The following SH3GL2 variants were observed in gnomAD, a reference collection of about 807,000 sequenced individuals.
SH3GL2 encodes endophilin-A1.
In SH3GL2, 24 loss-of-function variants were observed where a neutral mutation model predicts 46.0. That is an observed-to-expected ratio of 0.52 (90% CI 0.38 to 0.73). The LOEUF is 0.73. Ranked by LOEUF, SH3GL2 falls within the 30% of genes least tolerant of loss-of-function variation. SH3GL2 has a pLI of 0.00. For synonymous variants in SH3GL2, 196 were observed against 147.1 expected (o/e 1.33, Z -2.40); for missense variants, 413 against 424.2 (o/e 0.97, Z 0.23).
intron 1 of SH3GL2, among the ~76,000 whole-genome samples, chr9:17,584,163 A>G (rs965231086): frequency 6.6e-6 from 1 of 152,156 alleles, no homozygotes; most frequent in Non-Finnish European, 1.5e-5. Flanking sequence ...CTGTTACCAG[A>G]TTCTTAAATA....
chr9:17,758,375 A>G (rs1268866392), intron 2 of SH3GL2, among the ~76,000 whole-genome samples: 1 of 151,782 alleles, frequency 6.6e-6, no homozygotes, highest in Non-Finnish European at 1.5e-5. Flanking sequence ...AGCCTGACCA[A>G]CATGGCAAAA....
At chr9:17,730,240 A>C (rs1189707321) in intron 1 of SH3GL2, among the ~76,000 whole-genome samples, 3 of 151,902 alleles carry the variant, frequency 2.0e-5, no homozygotes, top group Admixed American at 6.6e-5. Flanking sequence ...ATGGGAGTTT[A>C]CTCATGATTG....
chr9:17,636,035 C>G (rs1292875583), intron 1 of SH3GL2, among the ~76,000 whole-genome samples: 2 of 152,104 alleles, frequency 1.3e-5, no homozygotes, highest in African/African-American at 4.8e-5. Flanking sequence ...TTTCTAGGCA[C>G]AAAGTTTGAT....
chr9:17,678,764 G>T (rs1820684465), intron 1 of SH3GL2, among the ~76,000 whole-genome samples: 1 of 152,098 alleles, frequency 6.6e-6, no homozygotes, highest in Admixed American at 6.6e-5. Context: ...TATGGTTTTA[G>T]GTCTAACATT....
At chr9:17,793,604 G>C (rs575935054) in intron 8 of SH3GL2, 107 bp downstream of exon 8, 3 of 1,041,668 alleles carry the variant, frequency 2.9e-6, no homozygotes, top group Non-Finnish European at 4.3e-6. Flanking sequence ...GAAATATGCA[G>C]TAATACATTT....
At position 17,761,558 on chromosome 9, in the gene SH3GL2, G is replaced by C. The variant is rs539006179; in HGVS notation, c.187+49G>C. 8.2e-6 allele frequency: 9 copies of C among 1,098,552 alleles called. No homozygotes were observed. In the South Asian group the frequency reaches 1.1e-4, roughly 14 times the overall value. 68.1% of individuals were successfully genotyped at this position (1,098,552 alleles called of 1,614,324 possible). ...AAAGGATCCCTCGAGGTAACTTTTA[G>C]TTTCTCTTTGATAGACATTTTAAGT... On this transcript the variant is annotated intron_variant, in intron 3 of 8. Coordinates refer to ENST00000380607, the MANE Select transcript of SH3GL2 (RefSeq NM_003026.5).
chr9:17,586,178 T>C (rs1372707677), intron 1 of SH3GL2, among the ~76,000 whole-genome samples: 1 of 152,194 alleles, frequency 6.6e-6, no homozygotes, highest in African/African-American at 2.4e-5. Flanking sequence ...GTACAACTTC[T>C]AAATGCCAAA....
intron 1 of SH3GL2, among the ~76,000 whole-genome samples, chr9:17,697,310 G>A (rs1821227771): frequency 2.6e-5 from 4 of 151,206 alleles, no homozygotes; most frequent in South Asian, 2.1e-4. Context: ...TGCAAACTCC[G>A]CCTCCCGGGT....
At chr9:17,625,458 A>G (rs1344089056) in intron 1 of SH3GL2, among the ~76,000 whole-genome samples, 1 of 152,150 alleles carries the variant, frequency 6.6e-6, no homozygotes, top group Non-Finnish European at 1.5e-5. Flanking sequence ...ACCAGTATGG[A>G]GCTATTTAAA....
At position 17,645,048 on chromosome 9, in the gene SH3GL2, C is replaced by A. The variant is rs527831413; in HGVS notation, c.45+65761C>A. Among the ~76,000 whole-genome samples, 5 of 151,502 alleles carry A rather than the reference C, an allele frequency of 3.3e-5. No individual in the cohort carries two copies. The South Asian group carries it at 1.0e-3, about 32-fold the overall frequency. On this transcript the variant is annotated intron_variant, in intron 1 of 8. Transcript: ENST00000380607. ...TATATTTAGGATAGTTAGCTCTTCTCATTGCATTGATTCCTTTACCATTAT... is the reference window on the plus strand; with the variant it reads ...TATATTTAGGATAGTTAGCTCTTCTAATTGCATTGATTCCTTTACCATTAT...
rs1820773444 is a variant in SH3GL2, at chr9:17,681,742, A to G, written c.46-65324A>G. Among the ~76,000 whole-genome samples the G allele has an allele frequency of 2.0e-5, 3 of 152,198 alleles. No homozygotes were observed. The South Asian group carries it at 6.2e-4, about 32-fold the overall frequency. On this transcript the variant is annotated intron_variant, in intron 1 of 8. Transcript: ENST00000380607. ...AACTAAAGAGCTCTTGCACAGCAAAAGAAACTACAGTCAGAGTGAATAGGC... is the reference window on the plus strand; with the variant it reads ...AACTAAAGAGCTCTTGCACAGCAAAGGAAACTACAGTCAGAGTGAATAGGC...
chr9:17,688,818 A>G (rs2118110411), intron 1 of SH3GL2, among the ~76,000 whole-genome samples: 1 of 152,194 alleles, frequency 6.6e-6, no homozygotes, highest in Admixed American at 6.6e-5. Flanking sequence ...GTTCATACTG[A>G]TGGAAGTAAA....
chr9:17,759,846 C>T (rs1563842727), intron 2 of SH3GL2, among the ~76,000 whole-genome samples: 1 of 152,142 alleles, frequency 6.6e-6, no homozygotes, highest in African/African-American at 2.4e-5. Context: ...TATTTAGACA[C>T]ATTTGTCATC....
At position 17,627,734 on chromosome 9, in the gene SH3GL2, A is replaced by C. The variant is rs576813942; in HGVS notation, c.45+48447A>C. Among the ~76,000 whole-genome samples, 81 of 152,332 alleles carry C rather than the reference A, an allele frequency of 5.3e-4. 1 individual carries two copies. The highest frequency in any genetic ancestry group is 1.9e-3 in the African/African-American group (81 of 41,578). ...TCCCTCTGTGATAACTGTGTAGACA[A>C]AGGATAAAACCCAGGTGAACCTCCT... On this transcript the variant is annotated intron_variant, in intron 1 of 8. Coordinates refer to ENST00000380607, the MANE Select transcript of SH3GL2 (RefSeq NM_003026.5).
intron 1 of SH3GL2, among the ~76,000 whole-genome samples, chr9:17,625,954 C>G (rs968659735): frequency 2.0e-5 from 3 of 152,220 alleles, no homozygotes; most frequent in African/African-American, 7.2e-5. Flanking sequence ...ATCGGTCTCA[C>G]TGACTGTGGT....
intron 1 of SH3GL2, among the ~76,000 whole-genome samples, chr9:17,727,937 A>G (rs12349599): frequency 0.28 from 43,175 of 151,932 alleles, 7,239 homozygotes; most frequent in African/African-American, 0.45. Context: ...ACTCCAGACT[A>G]AGACAGACAT....
intron 1 of SH3GL2, among the ~76,000 whole-genome samples, chr9:17,675,960 T>TA (rs1044638937): frequency 7.2e-5 from 11 of 151,974 alleles, no homozygotes; most frequent in East Asian, 1.9e-4. Context: ...AATAAAAAAA[T>TA]AAAAAAAATG....
intron 1 of SH3GL2, among the ~76,000 whole-genome samples, chr9:17,614,375 C>G (rs1818940133): frequency 6.7e-6 from 1 of 149,220 alleles, no homozygotes; most frequent in African/African-American, 2.5e-5. Flanking sequence ...AGCCAGATCC[C>G]TCTTTTGGAG....
At chr9:17,595,949 A>G (rs940023281) in intron 1 of SH3GL2, among the ~76,000 whole-genome samples, 4 of 152,106 alleles carry the variant, frequency 2.6e-5, no homozygotes, top group Non-Finnish European at 5.9e-5. Flanking sequence ...ATGGGTGAGT[A>G]GTGTTTCTAT....
Sources: allele counts gnomAD v4.1 joint callset (sites outside exome capture counted in the v4.1 genomes callset), GRCh38; gene constraint gnomAD v4.1.1; transcripts MANE v1.5; gene names NCBI Gene and HGNC (gene_info 2026-07-23, HGNC 2026-07-21).